The following MIPOL1 variants were observed in gnomAD, a reference collection of about 807,000 sequenced individuals.
MIPOL1 encodes the protein mirror-image polydactyly gene 1 protein.
MIPOL1 carries 57 observed loss-of-function variants against 60.9 expected under a neutral mutation model. The ratio of observed to expected loss-of-function variants is 0.94; its 90% CI spans 0.76 to 1.17. The LOEUF (loss-of-function observed/expected upper bound fraction) is 1.17, where lower values mean the gene tolerates loss of function less well. Among genes scored for constraint, MIPOL1 ranks in the 50% most tolerant of loss-of-function variants. The pLI is 0.00. For missense variants in MIPOL1, 551 were observed against 511.6 expected, an observed-to-expected ratio of 1.08 and a Z score of -0.74; for synonymous variants, 179 against 168.8, an observed-to-expected ratio of 1.06 and a Z score of -0.47.
chr14:37,242,784 A>G (rs902943163), intron 1 of MIPOL1, among the ~76,000 whole-genome samples: 35 of 152,238 alleles, frequency 2.3e-4, no homozygotes, highest in African/African-American at 8.4e-4. Flanking sequence ...ATCAAAAACA[A>G]TGAAATAAAA....
chr14:37,356,197 G>A (rs2091804854), intron 9 of MIPOL1, among the ~76,000 whole-genome samples: 1 of 151,996 alleles, frequency 6.6e-6, no homozygotes, highest in African/African-American at 2.4e-5. Context: ...CTGCTGGGGT[G>A]TGCCTCCCAG....
chr14:37,294,304 T>C (rs1405434714), intron 7 of MIPOL1, among the ~76,000 whole-genome samples: 6 of 151,932 alleles, frequency 3.9e-5, no homozygotes, highest in African/African-American at 1.5e-4. Flanking sequence ...CAAAAACCCA[T>C]CTGTATGTCA....
At chr14:37,311,833 A>T (rs1352586655) in intron 9 of MIPOL1, among the ~76,000 whole-genome samples, 1 of 152,288 alleles carries the variant, frequency 6.6e-6, no homozygotes, top group African/African-American at 2.4e-5. Flanking sequence ...GTTATTCAGA[A>T]TTCACCAGTT....
At chr14:37,517,480 G>T (rs1468650637) in intron 12 of MIPOL1, among the ~76,000 whole-genome samples, 1 of 152,142 alleles carries the variant, frequency 6.6e-6, no homozygotes, top group Admixed American at 6.5e-5. Context: ...CCCTATGGAG[G>T]AGAATTTGGC....
At chr14:37,483,543 C>A (rs768332446) in intron 11 of MIPOL1, among the ~76,000 whole-genome samples, 2 of 152,052 alleles carry the variant, frequency 1.3e-5, no homozygotes, top group Non-Finnish European at 2.9e-5. Flanking sequence ...AACTGTATAG[C>A]CATTATGGAT....
intron 1 of MIPOL1, among the ~76,000 whole-genome samples, chr14:37,221,619 A>G: frequency 6.6e-6 from 1 of 151,016 alleles, no homozygotes; most frequent in East Asian, 1.9e-4. Flanking sequence ...ATTGTGGAGC[A>G]AGAGAGAGAG....
At chr14:37,422,813 C>A in intron 10 of MIPOL1, 42 bp from the exon 11 acceptor site, 1 of 1,342,906 alleles carries the variant, frequency 7.4e-7, no homozygotes, top group Non-Finnish European at 1.0e-6. Flanking sequence ...TTTATCATAC[C>A]AAAATGAATA....
At chr14:37,398,229 G>A (rs1475968277) in intron 10 of MIPOL1, among the ~76,000 whole-genome samples, 1 of 152,140 alleles carries the variant, frequency 6.6e-6, no homozygotes, top group Admixed American at 6.5e-5. Context: ...CTCCCACAAA[G>A]TAGACCTTCA....
intron 10 of MIPOL1, among the ~76,000 whole-genome samples, chr14:37,384,786 G>A (rs1360468733): frequency 6.6e-6 from 1 of 151,848 alleles, no homozygotes. Flanking sequence ...AATTCCTAAT[G>A]AATTTTATCC....
chr14:37,461,972 C>CA (rs1310003316), intron 11 of MIPOL1, among the ~76,000 whole-genome samples: 10 of 152,278 alleles, frequency 6.6e-5, no homozygotes, highest in African/African-American at 2.4e-4. Context: ...GTCTGGAAGA[C>CA]AGTGGCCCTC....
chr14:37,200,664 GT>G (rs559596328), intron 1 of MIPOL1, among the ~76,000 whole-genome samples: 5,357 of 111,214 alleles, frequency 0.048, 151 homozygotes, highest in Admixed American at 0.11. Flanking sequence ...TTCCCAGTTA[GT>G]TTTTTTTTTT....
At position 37,270,545 on chromosome 14, in the gene MIPOL1, A is replaced by C; in HGVS notation, c.493+20A>C. ...CAGCAGGTATAGTAGAGGAGTATTA[A>C]CACATGGCTTGAAGAATCACACACA... On this transcript the variant is annotated intron_variant, in intron 6 of 12. Transcript: ENST00000684589. 7.5e-7 allele frequency: 1 copy of C among 1,341,828 alleles called. No individual in the cohort carries two copies. Among genetic ancestry groups the C allele is most frequent in the Non-Finnish European group, 1.0e-6 (1 of 962,304 alleles). The allele number at this position is 1,341,828 out of a possible 1,614,324, so 83.1% of individuals were successfully genotyped here.
chr14:37,351,866 T>A (rs1025327505), intron 9 of MIPOL1, among the ~76,000 whole-genome samples: 1 of 151,196 alleles, frequency 6.6e-6, no homozygotes, highest in Admixed American at 6.6e-5. Context: ...GGTTGCCTGT[T>A]CACTCTGATG....
At chr14:37,378,659 G>C (rs1479724879) in intron 10 of MIPOL1, among the ~76,000 whole-genome samples, 3 of 150,860 alleles carry the variant, frequency 2.0e-5, no homozygotes, top group Non-Finnish European at 4.4e-5. Context: ...AGGGAGGGAA[G>C]GAAAGAATGT....
At chr14:37,510,241 T>A (rs1463853072) in intron 12 of MIPOL1, among the ~76,000 whole-genome samples, 1 of 152,054 alleles carries the variant, frequency 6.6e-6, no homozygotes, top group Admixed American at 6.6e-5. Context: ...TATATAGTTT[T>A]GTTTTGGTTT....
chr14:37,373,614 C>T (rs926742859), intron 10 of MIPOL1, among the ~76,000 whole-genome samples: 1 of 152,002 alleles, frequency 6.6e-6, no homozygotes. Flanking sequence ...TCAACTCCCA[C>T]TTATGAGTGA....
At chr14:37,251,246 G>A (rs1385781901) in intron 3 of MIPOL1, among the ~76,000 whole-genome samples, 2 of 151,806 alleles carry the variant, frequency 1.3e-5, no homozygotes, top group Admixed American at 1.3e-4. Context: ...AAAATGGTTT[G>A]TAGGGGTTGG....
At chr14:37,350,171 A>T (rs1361940693) in intron 9 of MIPOL1, among the ~76,000 whole-genome samples, 1 of 152,160 alleles carries the variant, frequency 6.6e-6, no homozygotes, top group Non-Finnish European at 1.5e-5. Context: ...TCCTGAACTC[A>T]AGTAATCCTC....
chr14:37,363,962 G>C (rs375303696), intron 9 of MIPOL1, among the ~76,000 whole-genome samples: 182 of 152,292 alleles, frequency 1.2e-3, no homozygotes, highest in Non-Finnish European at 1.8e-3. Context: ...AAAATCTCCT[G>C]GTCTGCTGGT....
Sources: allele counts gnomAD v4.1 joint callset (sites outside exome capture counted in the v4.1 genomes callset), GRCh38; gene constraint gnomAD v4.1.1; transcripts MANE v1.5; gene names NCBI Gene and HGNC (gene_info 2026-07-23, HGNC 2026-07-21).